The following VAV2 variants were observed in gnomAD, a reference collection of about 807,000 sequenced individuals.
VAV2 encodes guanine nucleotide exchange factor VAV2.
A neutral mutation model predicts 132.5 loss-of-function variants in VAV2; 67 were observed. The observed-to-expected ratio is 0.51, with a 90% CI of 0.42 to 0.62. The LOEUF (loss-of-function observed/expected upper bound fraction) is 0.62. Among genes scored for constraint, VAV2 ranks in the 20% least tolerant of loss-of-function variants. The pLI is 0.00. For synonymous variants in VAV2, 492 were observed against 443.5 expected, an observed-to-expected ratio of 1.11 and a Z score of -1.37; for missense variants, 938 against 1,153.6, an observed-to-expected ratio of 0.81 and a Z score of 2.71.
chr9:133,881,182 G>C (rs922596925), intron 2 of VAV2, among the ~76,000 whole-genome samples: 2 of 152,230 alleles, frequency 1.3e-5, no homozygotes, highest in South Asian at 2.1e-4. Flanking sequence ...CCCACCATAC[G>C]ACCCGGAGAA....
rs1835591887 is a variant in VAV2 at position 133,817,179 on chromosome 9, C to A, written c.450-4963G>T. Among the ~76,000 whole-genome samples, 4 of 152,246 alleles carry A rather than the reference C, an allele frequency of 2.6e-5. No individual in the cohort carries two copies. The South Asian group carries it at 8.3e-4, about 32-fold the overall frequency. Reference sequence around the variant, plus strand: ...TCAGAAACATTTTGTAGTATTACGACAGAGGCTTTGGAATTTAGGAAGAAT... The same window carrying A: ...TCAGAAACATTTTGTAGTATTACGAAAGAGGCTTTGGAATTTAGGAAGAAT... On this transcript the variant is annotated intron_variant, in intron 4 of 29. Coordinates refer to ENST00000371850, the MANE Select transcript of VAV2 (RefSeq NM_001134398.2).
At chr9:133,978,950 A>T (rs955717575) in intron 1 of VAV2, among the ~76,000 whole-genome samples, 10 of 152,238 alleles carry the variant, frequency 6.6e-5, no homozygotes, top group African/African-American at 2.4e-4. Flanking sequence ...AAGGGGGCTC[A>T]TCAGAGCTGA....
At chr9:133,886,632 T>C (rs7864260) in intron 2 of VAV2, among the ~76,000 whole-genome samples, 47,021 of 152,000 alleles carry the variant, frequency 0.31, 8,875 homozygotes, top group African/African-American at 0.54. Context: ...GAAAACAAGA[T>C]GGGCCCAGAG....
intron 3 of VAV2, among the ~76,000 whole-genome samples, chr9:133,854,782 T>C (rs1326231718): frequency 2.6e-5 from 4 of 151,950 alleles, no homozygotes; most frequent in Admixed American, 6.5e-5. Context: ...TCCATTATTG[T>C]AACGAAAGGA....
At chr9:133,869,462 T>A (rs1021660789) in intron 2 of VAV2, among the ~76,000 whole-genome samples, 23 of 150,522 alleles carry the variant, frequency 1.5e-4, no homozygotes, top group African/African-American at 4.9e-4. Flanking sequence ...AAAAAAAAAA[T>A]AACCAGATGT....
chr9:133,956,119 C>T (rs1486911378), intron 1 of VAV2, among the ~76,000 whole-genome samples: 1 of 152,108 alleles, frequency 6.6e-6, no homozygotes, highest in Non-Finnish European at 1.5e-5. Flanking sequence ...CTCAGTTTCC[C>T]CAACCCAGTG....
At chr9:133,832,134 C>T (rs956992775) in intron 4 of VAV2, among the ~76,000 whole-genome samples, 7 of 152,184 alleles carry the variant, frequency 4.6e-5, no homozygotes, top group Non-Finnish European at 7.4e-5. Context: ...GAAGAAGGTG[C>T]AGGGTCTGAC....
At position 133,828,329 on chromosome 9, in the gene VAV2, GCGCC is replaced by G. The variant is rs1564385759; in HGVS notation, c.449+5939_449+5942del. On this transcript the variant is annotated intron_variant, in intron 4 of 29. Coordinates refer to ENST00000371850, the MANE Select transcript of VAV2 (RefSeq NM_001134398.2). ...AGTGGGGGCATCACCACCTACCGCT[GCGCC>G]CACTGGGGCTGACCACTGAGCACGG... Among the ~76,000 whole-genome samples, 16 of 23,208 alleles carry G rather than the reference GCGCC, an allele frequency of 6.9e-4. 3 individuals carry two copies. Among genetic ancestry groups the G allele is most frequent in the East Asian group, 6.0e-3 (4 of 662 alleles). The allele number at this position is 23,208 out of a possible 152,430, so 15.2% of individuals were successfully genotyped here. A position where few individuals can be genotyped will look rare whatever the true frequency, so the allele number is the denominator to read the frequency against.
chr9:133,775,076 C>G, intron 24 of VAV2, 25 bp from the exon 25 acceptor site: 1 of 1,574,944 alleles, frequency 6.3e-7, no homozygotes, highest in East Asian at 2.4e-5. Flanking sequence ...CGGGAGGAAA[C>G]GAGAGCCGCA....
chr9:133,948,528 C>T (rs1841447327), intron 1 of VAV2, among the ~76,000 whole-genome samples: 1 of 152,106 alleles, frequency 6.6e-6, no homozygotes, highest in African/African-American at 2.4e-5. Flanking sequence ...GGGCAGGCGG[C>T]CCGCGTGCCC....
At chr9:133,939,459 G>A (rs531511025) in intron 1 of VAV2, among the ~76,000 whole-genome samples, 8 of 152,096 alleles carry the variant, frequency 5.3e-5, no homozygotes, top group Admixed American at 4.6e-4. Context: ...CTCCACATCC[G>A]AGGGTGTAGC....
chr9:133,951,221 C>G (rs1057273209), intron 1 of VAV2, among the ~76,000 whole-genome samples: 8 of 152,228 alleles, frequency 5.3e-5, no homozygotes, highest in Admixed American at 2.0e-4. Flanking sequence ...GCCTCTTCCC[C>G]TGCAGAAGGC....
chr9:133,812,261 AC>A (rs759008836), intron 4 of VAV2, 45 bp from the exon 5 acceptor site: 66 of 1,581,284 alleles, frequency 4.2e-5, no homozygotes, highest in Non-Finnish European at 5.5e-5. Context: ...GGCTCCCGCC[AC>A]CCTGACCGGG....
chr9:133,868,473 G>A (rs73662314), intron 2 of VAV2, among the ~76,000 whole-genome samples: 5,732 of 152,288 alleles, frequency 0.038, 213 homozygotes, highest in African/African-American at 0.094. Context: ...GTGTCTACCC[G>A]TGTGGCTGTA....
At chr9:133,825,502 A>C (rs1178070865) in intron 4 of VAV2, among the ~76,000 whole-genome samples, 1 of 152,066 alleles carries the variant, frequency 6.6e-6, no homozygotes, top group African/African-American at 2.4e-5. Flanking sequence ...CTTTGGAAAA[A>C]CAATCCTCTG....
intron 18 of VAV2, 146 bp from the exon 19 acceptor site, chr9:133,783,737 G>T: frequency 1.4e-6 from 1 of 709,692 alleles, no homozygotes; most frequent in Non-Finnish European, 2.5e-6. Flanking sequence ...TGAGTATCCA[G>T]GACCCTCCCT....
chr9:133,980,717 C>G (rs1231736989), intron 1 of VAV2, among the ~76,000 whole-genome samples: 1 of 152,202 alleles, frequency 6.6e-6, no homozygotes, highest in Admixed American at 6.5e-5. Context: ...GAGCGGCAGC[C>G]GCTGCCTTAT....
intron 2 of VAV2, among the ~76,000 whole-genome samples, chr9:133,870,887 T>TGG (rs1564422417): frequency 3.6e-5 from 3 of 83,580 alleles, no homozygotes; most frequent in East Asian, 3.4e-4. Context: ...GGTGGATGGA[T>TGG]ATGGGTGAGT....
At chr9:133,820,186 A>G (rs1835729066) in intron 4 of VAV2, among the ~76,000 whole-genome samples, 1 of 152,222 alleles carries the variant, frequency 6.6e-6, no homozygotes, top group African/African-American at 2.4e-5. Context: ...CTAGAGGCAG[A>G]CACTACTGTG....
Sources: gnomAD v4.1 joint callset for allele counts (sites outside exome capture counted in the v4.1 genomes callset) on GRCh38, gnomAD v4.1.1 for gene constraint, MANE v1.5 for transcripts, NCBI Gene and HGNC (gene_info 2026-07-23, HGNC 2026-07-21) for gene names.